XKR9: variants seen among roughly 807,000 people sequenced by gnomAD.
XKR9 encodes XK-related protein 9.
XKR9 carries 32 observed loss-of-function variants against 32.0 expected under a neutral mutation model. The ratio of observed to expected loss-of-function variants is 1.00; its 90% CI spans 0.76 to 1.34. XKR9 has a LOEUF of 1.34. Ranked by LOEUF, XKR9 falls within the 40% of genes most tolerant of loss-of-function variation. The pLI, the probability that XKR9 is intolerant of heterozygous loss-of-function variation, is 0.00. For synonymous variants in XKR9, 168 were observed against 143.4 expected (o/e 1.17, Z -1.22); for missense variants, 546 against 429.7 (o/e 1.27, Z -2.39).
At chr8:70,946,006 G>A in the XKR9 span, among the ~76,000 whole-genome samples, 37 of 152,184 alleles carry the variant, frequency 2.4e-4, no homozygotes, top group African/African-American at 7.5e-4. Flanking sequence ...ATGGTGGTGC[G>A]CGCCTGTAGT....
At chr8:70,670,779 A>C (rs996802109) in intron 1 of XKR9, 1 of 152,230 alleles carries the variant, frequency 6.6e-6, no homozygotes, top group Non-Finnish European at 1.5e-5. Context: ...GGGAAGTTAA[A>C]CAGTATACCC....
At chr8:70,709,432 G>T (rs1017824423) in intron 4 of XKR9, among the ~76,000 whole-genome samples, 1 of 152,144 alleles carries the variant, frequency 6.6e-6, no homozygotes, top group African/African-American at 2.4e-5. Context: ...GCTCCACATA[G>T]TGCTAGAAGT....
At chr8:70,801,140 C>A in the XKR9 span, among the ~76,000 whole-genome samples, 1 of 152,140 alleles carries the variant, frequency 6.6e-6, no homozygotes, top group Non-Finnish European at 1.5e-5. Context: ...CTCATGGATT[C>A]ATTGATATTT....
At chr8:70,790,286 C>A (rs1807748331) in exon 4 of XKR9, 3 of 151,802 alleles carry the variant, frequency 2.0e-5, no homozygotes, top group Non-Finnish European at 4.4e-5. Flanking sequence ...GAAAGTAGGT[C>A]CAAAACTTCA....
the XKR9 span, among the ~76,000 whole-genome samples, chr8:71,065,359 G>T: frequency 6.6e-6 from 1 of 152,148 alleles, no homozygotes; most frequent in Non-Finnish European, 1.5e-5. Context: ...ATGCACAGAT[G>T]AAAGGCCACG....
the XKR9 span, among the ~76,000 whole-genome samples, chr8:70,932,474 A>G: frequency 2.6e-5 from 4 of 152,306 alleles, no homozygotes; most frequent in Admixed American, 1.3e-4. Flanking sequence ...CTTGCCTGTT[A>G]GAAGAGAAGG....
At chr8:70,991,711 T>C in the XKR9 span, among the ~76,000 whole-genome samples, 1 of 152,210 alleles carries the variant, frequency 6.6e-6, no homozygotes, top group Non-Finnish European at 1.5e-5. Flanking sequence ...CATAGAACTA[T>C]ATGCAGCTCC....
intron 2 of XKR9, among the ~76,000 whole-genome samples, chr8:70,752,033 C>T (rs1020139075): frequency 6.6e-6 from 1 of 152,138 alleles, no homozygotes; most frequent in Non-Finnish European, 1.5e-5. Flanking sequence ...TTCCTTGAAG[C>T]AAATCTATGT....
At chr8:70,776,923 T>TTCTTTCTCTCTCTC (rs1554556844) in intron 2 of XKR9, among the ~76,000 whole-genome samples, 47 of 59,616 alleles carry the variant, frequency 7.9e-4, no homozygotes, top group African/African-American at 3.1e-3. Flanking sequence ...TTCTCTTTCT[T>TTCTTTCTCTCTCTC]TCTCTCTCTC....
At chr8:70,859,231 C>T in the XKR9 span, among the ~76,000 whole-genome samples, 1 of 151,964 alleles carries the variant, frequency 6.6e-6, no homozygotes, top group South Asian at 2.1e-4. Context: ...ATAAAAATGC[C>T]AACAGATATA....
chr8:70,826,716 CAA>C, the XKR9 span, among the ~76,000 whole-genome samples: 1 of 152,108 alleles, frequency 6.6e-6, no homozygotes, highest in South Asian at 2.1e-4. Flanking sequence ...GTACCATTCT[CAA>C]ATGTTGTCTG....
At chr8:70,919,834 G>C in the XKR9 span, among the ~76,000 whole-genome samples, 1 of 152,168 alleles carries the variant, frequency 6.6e-6, no homozygotes, top group Non-Finnish European at 1.5e-5. Flanking sequence ...CAGATCAAGA[G>C]GAATGTGAAA....
chr8:70,861,857 A>T, the XKR9 span, among the ~76,000 whole-genome samples: 17 of 152,066 alleles, frequency 1.1e-4, no homozygotes, highest in Non-Finnish European at 4.4e-5. Flanking sequence ...TGTGGCTTAG[A>T]TGTTCTTTTC....
chr8:71,013,585 G>A, the XKR9 span, among the ~76,000 whole-genome samples: 4 of 152,176 alleles, frequency 2.6e-5, no homozygotes, highest in African/African-American at 7.2e-5. Flanking sequence ...CTTAGAAGAG[G>A]ATGACCAGCA....
At chr8:70,739,048 C>G (rs568935916), downstream of XKR9, among the ~76,000 whole-genome samples, 3 of 147,870 alleles carry the variant, frequency 2.0e-5, no homozygotes, top group South Asian at 6.3e-4. Flanking sequence ...TCTTGTTGAT[C>G]TGTCTAATGT....
chr8:71,023,870 G>A, the XKR9 span, among the ~76,000 whole-genome samples: 3 of 152,188 alleles, frequency 2.0e-5, no homozygotes, highest in Non-Finnish European at 4.4e-5. Context: ...GTGCCCAGAT[G>A]CCAGTGCTGG....
the XKR9 span, among the ~76,000 whole-genome samples, chr8:70,917,153 T>G: frequency 1.6e-4 from 25 of 152,140 alleles, no homozygotes; most frequent in African/African-American, 6.0e-4. Context: ...GCTTCAGGGC[T>G]TTTTCCTCCT....
At chr8:70,863,014 G>A in the XKR9 span, among the ~76,000 whole-genome samples, 6 of 152,104 alleles carry the variant, frequency 3.9e-5, no homozygotes, top group African/African-American at 1.4e-4. Flanking sequence ...AGTTGTTTGA[G>A]GAGTAGAAAG....
At chr8:70,934,971 A>C in the XKR9 span, among the ~76,000 whole-genome samples, 1 of 151,630 alleles carries the variant, frequency 6.6e-6, no homozygotes, top group Middle Eastern at 3.4e-3. Context: ...AAATATAAAA[A>C]TCACTCTCAT....
Sources: allele counts gnomAD v4.1 joint callset (sites outside exome capture counted in the v4.1 genomes callset), GRCh38; gene constraint gnomAD v4.1.1; transcripts MANE v1.5; gene names NCBI Gene and HGNC (gene_info 2026-07-23, HGNC 2026-07-21).